Variants in SMYD3 observed in about 807,000 individuals in gnomAD.
SMYD3 encodes the protein histone-lysine N-methyltransferase SMYD3.
SMYD3 carries 36 observed loss-of-function variants against 57.7 expected under a neutral mutation model. The ratio of observed to expected loss-of-function variants is 0.62; its 90% CI spans 0.48 to 0.82. The LOEUF is 0.82. Among genes scored for constraint, SMYD3 ranks in the 40% least tolerant of loss-of-function variants. The pLI is 0.00. For synonymous variants in SMYD3, 211 were observed against 195.0 expected (o/e 1.08, Z -0.68); for missense variants, 515 against 538.8 (o/e 0.96, Z 0.44).
chr1:246,076,768 A>G (rs946874768), intron 5 of SMYD3, among the ~76,000 whole-genome samples: 2 of 152,152 alleles, frequency 1.3e-5, no homozygotes, highest in Non-Finnish European at 2.9e-5. Context: ...TTGCTTCACA[A>G]TCAGTCAGTA....
intron 5 of SMYD3, among the ~76,000 whole-genome samples, chr1:246,167,646 G>T (rs1186660127): frequency 6.6e-6 from 1 of 151,792 alleles, no homozygotes; most frequent in Admixed American, 6.6e-5. Context: ...GAGTAGCTGG[G>T]ATTATAGGCA....
intron 5 of SMYD3, among the ~76,000 whole-genome samples, chr1:246,306,282 G>C (rs2064977238): frequency 6.6e-6 from 1 of 151,596 alleles, no homozygotes; most frequent in Non-Finnish European, 1.5e-5. Flanking sequence ...AGGAGGCAGA[G>C]GTTGCAATGG....
At chr1:246,205,318 AGTGCTCCAAACCCT>A (rs2062982370) in intron 5 of SMYD3, among the ~76,000 whole-genome samples, 1 of 152,210 alleles carries the variant, frequency 6.6e-6, no homozygotes, top group Non-Finnish European at 1.5e-5. Flanking sequence ...GTTCCAATGA[AGTGCTCCAAACCCT>A]CTTTTCTTTC....
intron 5 of SMYD3, among the ~76,000 whole-genome samples, chr1:246,048,236 T>A (rs573700653): frequency 1.3e-5 from 2 of 152,310 alleles, no homozygotes; most frequent in African/African-American, 4.8e-5. Context: ...GGAAAAATAT[T>A]TCATTTCAAG....
At chr1:246,405,989 C>A (rs143546145) in intron 1 of SMYD3, among the ~76,000 whole-genome samples, 1 of 150,672 alleles carries the variant, frequency 6.6e-6, no homozygotes, top group Non-Finnish European at 1.5e-5. Context: ...ATCGCTGCAA[C>A]AGTCTGTTAA....
intron 9 of SMYD3, among the ~76,000 whole-genome samples, chr1:245,859,902 G>A (rs9724980): frequency 1 from 151,844 of 152,342 alleles, 75,677 homozygotes; most frequent in Non-Finnish European, 1. Context: ...GCCAGAAATA[G>A]AAATGACTCA....
chr1:246,500,813 T>C (rs927571235), intron 1 of SMYD3, among the ~76,000 whole-genome samples: 6 of 152,192 alleles, frequency 3.9e-5, no homozygotes, highest in African/African-American at 1.4e-4. Flanking sequence ...GAACGCCCTC[T>C]GCTGTGGCAT....
chr1:246,498,730 CAAAAAAA>C (rs1247516323), intron 1 of SMYD3, among the ~76,000 whole-genome samples: 1 of 68,086 alleles, frequency 1.5e-5, no homozygotes, highest in African/African-American at 4.9e-5. Context: ...GACTCCGTCT[CAAAAAAA>C]AAAAAAAAAA....
At chr1:246,243,315 T>A (rs917330838) in intron 5 of SMYD3, among the ~76,000 whole-genome samples, 2 of 143,168 alleles carry the variant, frequency 1.4e-5, no homozygotes, top group Non-Finnish European at 3.0e-5. Flanking sequence ...GGGGAATATG[T>A]TGGTATATAT....
intron 7 of SMYD3, among the ~76,000 whole-genome samples, chr1:245,924,683 G>C (rs560869559): frequency 1.4e-5 from 2 of 140,180 alleles, no homozygotes; most frequent in East Asian, 4.6e-4. Context: ...TTTTTTCTGA[G>C]ATGGAGTTTC....
intron 10 of SMYD3, among the ~76,000 whole-genome samples, chr1:245,855,647 T>C (rs1174844319): frequency 3.3e-5 from 5 of 152,256 alleles, no homozygotes; most frequent in Non-Finnish European, 7.3e-5. Flanking sequence ...TTTTGTTGTA[T>C]GTGATTTCTA....
chr1:245,998,559 T>G (rs2058975263), intron 5 of SMYD3, among the ~76,000 whole-genome samples: 1 of 152,182 alleles, frequency 6.6e-6, no homozygotes, highest in Non-Finnish European at 1.5e-5. Flanking sequence ...CCTCGTGCAT[T>G]GCTGGTGGGG....
chr1:245,774,767 A>G (rs550664774), intron 10 of SMYD3, among the ~76,000 whole-genome samples: 46 of 114,146 alleles, frequency 4.0e-4, no homozygotes, highest in East Asian at 3.6e-3. Context: ...GCTGGACTGT[A>G]CTGCTGCCAT....
intron 5 of SMYD3, among the ~76,000 whole-genome samples, chr1:246,200,680 A>C (rs1181034494): frequency 6.6e-6 from 1 of 152,274 alleles, no homozygotes; most frequent in Non-Finnish European, 1.5e-5. Flanking sequence ...TGTAATAGAG[A>C]AGATGCACGG....
intron 5 of SMYD3, among the ~76,000 whole-genome samples, chr1:246,155,664 G>A (rs1354235182): frequency 6.6e-6 from 1 of 151,554 alleles, no homozygotes; most frequent in Non-Finnish European, 1.5e-5. Context: ...ATGCCCTAAA[G>A]ATGCTCATAG....
intron 5 of SMYD3, among the ~76,000 whole-genome samples, chr1:246,209,138 T>C (rs2063047233): frequency 6.6e-6 from 1 of 152,180 alleles, no homozygotes; most frequent in South Asian, 2.1e-4. Flanking sequence ...ATTGGTAATG[T>C]CTTTAGTGCA....
rs184777597 is a variant in SMYD3 at position 245,933,064 on chromosome 1, G to A, written c.532-3127C>T. Among the ~76,000 whole-genome samples the A allele has an allele frequency of 1.1e-4, 17 of 152,140 alleles. No individual in the cohort carries two copies. In the East Asian group the frequency reaches 1.4e-3, roughly 12 times the overall value. ...GCAGAAGCTCTCTGGCTTTTTTTTA[G>A]TGCAAGAATAGGTAGATAATATGTC... On this transcript the variant is annotated intron_variant, in intron 5 of 11. Transcript: ENST00000490107.
intron 5 of SMYD3, among the ~76,000 whole-genome samples, chr1:246,282,203 C>T (rs1455992266): frequency 1.4e-5 from 2 of 146,776 alleles, no homozygotes; most frequent in Non-Finnish European, 3.0e-5. Flanking sequence ...TGCAGTGGTT[C>T]ATGCCCGTAA....
rs186811253 is a variant in SMYD3, at chr1:245,951,384, A to G, written c.532-21447T>C. Among the ~76,000 whole-genome samples, 147 of 140,456 alleles carry G rather than the reference A, an allele frequency of 1.0e-3. 16 individuals carry two copies. The East Asian group carries it at 0.037, about 36-fold the overall frequency. The allele number at this position is 140,456 out of a possible 152,430, so 92.1% of individuals were successfully genotyped here. A position where few individuals can be genotyped will look rare whatever the true frequency, so the allele number is the denominator to read the frequency against. ...GGAGATCGAGACCATCCTGGCTAAC[A>G]CGGTGAAACCCCATCTCTACTAAAA... On this transcript the variant is annotated intron_variant, in intron 5 of 11. Coordinates refer to ENST00000490107, the MANE Select transcript of SMYD3 (RefSeq NM_001167740.2).
Sources: gnomAD v4.1 joint callset for allele counts (sites outside exome capture counted in the v4.1 genomes callset) on GRCh38, gnomAD v4.1.1 for gene constraint, MANE v1.5 for transcripts, NCBI Gene and HGNC (gene_info 2026-07-23, HGNC 2026-07-21) for gene names.